The following HSPA12A variants were observed in gnomAD, a reference collection of about 807,000 sequenced individuals.
HSPA12A encodes heat shock 70 kDa protein 12A.
In HSPA12A, 28 loss-of-function variants were observed where a neutral mutation model predicts 69.2. That is an observed-to-expected ratio of 0.40 (90% confidence interval 0.30 to 0.55). The LOEUF (loss-of-function observed/expected upper bound fraction) is 0.55, where lower values mean the gene tolerates loss of function less well. HSPA12A is among the 20% of genes least tolerant of loss of function. The pLI, the probability that HSPA12A is intolerant of heterozygous loss-of-function variation, is 0.38. For synonymous variants in HSPA12A, 345 were observed against 370.5 expected (o/e 0.93, Z 0.79); for missense variants, 686 against 900.7 (o/e 0.76, Z 3.05).
At position 116,675,181 on chromosome 10, in the gene HSPA12A, T is replaced by A. The variant is rs782797705; in HGVS notation, c.1628A>T (p.Asn543Ile). The part of the protein sequence containing the change: ...SPLTYGVGVL[N>I]RYVEGKHPPE... ...CGGGTGCTTGCCCTCCACGTAGCGG[T>A]TCAGCACGCCTACCCCGTAGGTGAG... The change falls in exon 12 of 12, where the codon AAC (asparagine) becomes ATC (isoleucine). Residue 543 changes from asparagine to isoleucine, a missense_variant. Coordinates refer to ENST00000369209, the MANE Select transcript of HSPA12A (RefSeq NM_025015.3). This position sits in a 1 kb window ranked among gnomAD's most constrained non-coding sequence, Gnocchi z 5.2. 6.2e-7 allele frequency: 1 copy of A among 1,613,354 alleles called. No homozygotes were observed. The highest frequency in any genetic ancestry group is 8.5e-7 in the Non-Finnish European group (1 of 1,179,956).
At chr10:116,845,228 A>G (rs1845860437) in intron 1 of HSPA12A, among the ~76,000 whole-genome samples, 2 of 152,180 alleles carry the variant, frequency 1.3e-5, no homozygotes, top group African/African-American at 4.8e-5. Flanking sequence ...GCCTCTAGAA[A>G]CACCACTAAA....
chr10:116,801,962 T>C (rs1844966219), intron 2 of HSPA12A, among the ~76,000 whole-genome samples: 1 of 152,022 alleles, frequency 6.6e-6, no homozygotes, highest in Non-Finnish European at 1.5e-5. Flanking sequence ...TCTGTGTGAG[T>C]CTAAAATCAT....
intron 2 of HSPA12A, among the ~76,000 whole-genome samples, chr10:116,751,927 C>T (rs1341996014): frequency 6.6e-6 from 1 of 152,164 alleles, no homozygotes; most frequent in Non-Finnish European, 1.5e-5. Flanking sequence ...TCTTGAGCCT[C>T]ACCAGAAGCC....
intron 2 of HSPA12A, among the ~76,000 whole-genome samples, chr10:116,814,019 G>A (rs1240517701): frequency 6.6e-6 from 1 of 152,172 alleles, no homozygotes; most frequent in Non-Finnish European, 1.5e-5. Flanking sequence ...GCTGGAATTA[G>A]CCAAGAAGGA....
intron 2 of HSPA12A, among the ~76,000 whole-genome samples, chr10:116,812,327 C>T (rs1359189200): frequency 6.6e-6 from 1 of 151,876 alleles, no homozygotes; most frequent in Non-Finnish European, 1.5e-5. Context: ...GTGGTGCGTG[C>T]CTGTAATCCC....
chr10:116,692,305 T>C, intron 6 of HSPA12A, 46 bp downstream of exon 6: 1 of 1,475,056 alleles, frequency 6.8e-7, no homozygotes, highest in Non-Finnish European at 9.5e-7. Context: ...CTGGACATCT[T>C]GAGTCCTTCT....
intron 1 of HSPA12A, among the ~76,000 whole-genome samples, chr10:116,716,401 A>G (rs1850605276): frequency 7.5e-6 from 1 of 132,638 alleles, no homozygotes; most frequent in South Asian, 2.3e-4. Context: ...CCACCCTGTG[A>G]CCCTTTGTAC....
At chr10:116,805,232 C>G (rs963853945) in intron 2 of HSPA12A, among the ~76,000 whole-genome samples, 5 of 152,090 alleles carry the variant, frequency 3.3e-5, no homozygotes, top group African/African-American at 7.2e-5. Context: ...AGGAGAATGG[C>G]GTGAACCCGG....
At chr10:116,803,945 T>C (rs1385608616) in intron 2 of HSPA12A, among the ~76,000 whole-genome samples, 2 of 152,166 alleles carry the variant, frequency 1.3e-5, no homozygotes, top group Non-Finnish European at 2.9e-5. Flanking sequence ...TAAGCCATTA[T>C]TAGGTCCCCC....
chr10:116,782,167 A>C (rs1554891872), intron 2 of HSPA12A, among the ~76,000 whole-genome samples: 2 of 152,376 alleles, frequency 1.3e-5, no homozygotes, highest in African/African-American at 4.8e-5. Context: ...ACACAAAGTG[A>C]GACCATAAGA....
intron 1 of HSPA12A, among the ~76,000 whole-genome samples, chr10:116,718,757 C>G (rs1466216017): frequency 6.6e-6 from 1 of 151,764 alleles, no homozygotes; most frequent in Non-Finnish European, 1.5e-5. Context: ...TCTAATTCAC[C>G]CAAAAAGTAG....
rs1849090217 is a variant in HSPA12A at position 116,671,867 on chromosome 10, G to A, written c.*2914C>T. 2.0e-5 allele frequency: 3 copies of A among 152,724 alleles called. No individual in the cohort carries two copies. The East Asian group carries it at 5.8e-4, about 29-fold the overall frequency. The allele number at this position is 152,724 out of a possible 1,614,324, so 9.5% of individuals were successfully genotyped here. ...TCTAAGGTTAGAAAAATGTGTTCAA[G>A]TGTACTTATCCAGTGCTCTTATTCT... On this transcript the variant is annotated 3_prime_UTR_variant, in exon 12 of 12. Coordinates refer to ENST00000369209, the MANE Select transcript of HSPA12A (RefSeq NM_025015.3).
At position 116,741,379 on chromosome 10, in the gene HSPA12A, C is replaced by T. The variant is rs935539888; in HGVS notation, c.40+1051G>A. 5.9e-5 allele frequency among the ~76,000 whole-genome samples: 9 copies of T among 152,272 alleles called. No homozygotes were observed. In the South Asian group the frequency reaches 1.9e-3, roughly 32 times the overall value. On this transcript the variant is annotated intron_variant, in intron 1 of 11. Coordinates refer to ENST00000369209, the MANE Select transcript of HSPA12A (RefSeq NM_025015.3). Reference sequence around the variant, plus strand: ...GCCCCGCAGAGCCAAGCGCTCGTTTCGTGGCTGAATCTCCCTTGCGTCCCG... The same window carrying T: ...GCCCCGCAGAGCCAAGCGCTCGTTTTGTGGCTGAATCTCCCTTGCGTCCCG...
rs922184078 is a variant in HSPA12A, at chr10:116,710,889, A to G, written c.41-3604T>C. The stretch of plus-strand genomic sequence containing the variant: ...ACTTAGGATGTCAAAATGATGCTCA[A>G]AAATTCTCAGGGGAAAAAAAACGGA... On this transcript the variant is annotated intron_variant, in intron 1 of 11. Coordinates refer to ENST00000369209, the MANE Select transcript of HSPA12A (RefSeq NM_025015.3). This position sits in a 1 kb window ranked among gnomAD's most constrained non-coding sequence, Gnocchi z 4.1. Among the ~76,000 whole-genome samples, 1 of 152,328 alleles carries G rather than the reference A, an allele frequency of 6.6e-6. No homozygotes were observed. Among genetic ancestry groups the G allele is most frequent in the Admixed American group, 6.5e-5 (1 of 15,300 alleles).
chr10:116,698,659 C>G lies in HSPA12A; in HGVS notation c.522G>C (p.Gln174His). The change falls in exon 5 of 12, where the codon CAG becomes CAC. Residue 174 changes from glutamine to histidine, a missense_variant. By Grantham distance (24) the Gln-to-His change is conservative (BLOSUM62 0). Coordinates refer to ENST00000369209, the MANE Select transcript of HSPA12A (RefSeq NM_025015.3). ...CCTTCAGCGCCTGCTCCTTAAAGTA[C>G]TGCAGGGCATAAGCAAAGATTTCAA... The part of the protein sequence containing the change: ...KALEIFAYAL[Q>H]YFKEQALKEL... 1 of 1,613,936 alleles carries G rather than the reference C, an allele frequency of 6.2e-7. No individual in the cohort carries two copies. Among genetic ancestry groups the G allele is most frequent in the Non-Finnish European group, 8.5e-7 (1 of 1,179,806 alleles).
intron 1 of HSPA12A, among the ~76,000 whole-genome samples, chr10:116,711,527 G>A (rs914796553): frequency 3.9e-5 from 6 of 152,208 alleles, no homozygotes; most frequent in East Asian, 1.9e-4. Flanking sequence ...CTACAGCACC[G>A]TTCCAAGTAG....
intron 2 of HSPA12A, among the ~76,000 whole-genome samples, chr10:116,765,289 G>T (rs553895280): frequency 6.6e-6 from 1 of 151,826 alleles, no homozygotes; most frequent in Admixed American, 6.6e-5. Flanking sequence ...CCAGGACTAG[G>T]GTAGGAAAAG....
intron 2 of HSPA12A, among the ~76,000 whole-genome samples, chr10:116,796,934 G>C (rs573995104): frequency 6.6e-6 from 1 of 152,280 alleles, no homozygotes; most frequent in South Asian, 2.1e-4. Context: ...AAGATGTATA[G>C]CAGGGTTACT....
At chr10:116,731,110 C>T (rs1397271925) in intron 1 of HSPA12A, among the ~76,000 whole-genome samples, 1 of 152,236 alleles carries the variant, frequency 6.6e-6, no homozygotes, top group Non-Finnish European at 1.5e-5. Flanking sequence ...AGTTGGCCTC[C>T]CCTGGAGGGC....
Sources: allele counts gnomAD v4.1 joint callset (sites outside exome capture counted in the v4.1 genomes callset), GRCh38; gene constraint gnomAD v4.1.1; non-coding constraint Gnocchi (gnomAD v3.1); transcripts MANE v1.5; gene names NCBI Gene and HGNC (gene_info 2026-07-23, HGNC 2026-07-21).